The following EYS variants were observed in gnomAD, a reference collection of about 807,000 sequenced individuals.
EYS encodes EGF-like photoreceptor maintenance factor, also known as protein eyes shut homolog.
Under a neutral mutation model 282.1 loss-of-function variants are expected in EYS, and 250 were observed. The observed-to-expected ratio is 0.89, with a 90% CI of 0.80 to 0.98. EYS has a LOEUF of 0.98. EYS is among the 50% of genes least tolerant of loss of function. The pLI is 0.00. For missense variants in EYS, 4,016 were observed against 3,709.0 expected, an observed-to-expected ratio of 1.08 and a Z score of -2.15; for synonymous variants, 1,355 against 1,282.9, an observed-to-expected ratio of 1.06 and a Z score of -1.20.
chr6:64,619,716 C>T (rs752267046), intron 23 of EYS, among the ~76,000 whole-genome samples: 1 of 151,914 alleles, frequency 6.6e-6, no homozygotes, highest in Non-Finnish European at 1.5e-5. Flanking sequence ...GCACTGGTGC[C>T]CAGGCTGGAG....
intron 22 of EYS, among the ~76,000 whole-genome samples, chr6:64,640,109 A>C (rs1295787042): frequency 6.8e-6 from 1 of 147,368 alleles, no homozygotes; most frequent in Non-Finnish European, 1.5e-5. Flanking sequence ...CACTTCTTTT[A>C]CACTGTTGGT....
intron 12 of EYS, among the ~76,000 whole-genome samples, chr6:65,208,344 A>C (rs529199929): frequency 9.9e-5 from 15 of 151,918 alleles, no homozygotes; most frequent in African/African-American, 3.4e-4. Flanking sequence ...ACACTTATAA[A>C]CAGTTGAGGG....
rs1018828002 is a variant in EYS at position 64,592,001 on chromosome 6, A to T, written c.3878-12T>A. On this transcript the variant is annotated splice_polypyrimidine_tract_variant and intron_variant, in intron 25 of 42. Transcript: ENST00000503581. ...TGTCTGTTTTGGACCTACAAAAAGG[A>T]AAAAAGCCAAAAAGGTTAGAAAAAT... 25 of 1,445,020 alleles carry T rather than the reference A, an allele frequency of 1.7e-5. No individual in the cohort carries two copies. The African/African-American group carries it at 3.6e-4, about 21-fold the overall frequency. 89.5% of individuals were successfully genotyped at this position (1,445,020 alleles called of 1,614,324 possible). A position where few individuals can be genotyped will look rare whatever the true frequency, so the allele number is the denominator to read the frequency against.
At chr6:65,351,027 G>C (rs1764253172) in intron 9 of EYS, among the ~76,000 whole-genome samples, 1 of 151,478 alleles carries the variant, frequency 6.6e-6, no homozygotes, top group African/African-American at 2.4e-5. Context: ...GATCTTAATG[G>C]CAATTATCAA....
intron 11 of EYS, among the ~76,000 whole-genome samples, chr6:65,302,186 T>C (rs1426981387): frequency 6.6e-6 from 1 of 152,122 alleles, no homozygotes; most frequent in Admixed American, 6.5e-5. Context: ...CTCCCAGTAG[T>C]TGGGAGATGT....
chr6:63,889,994 C>G (rs529122641), intron 35 of EYS, among the ~76,000 whole-genome samples: 2 of 151,792 alleles, frequency 1.3e-5, no homozygotes, highest in South Asian at 4.2e-4. Flanking sequence ...AGACTTTAAA[C>G]CAACAAAGAT....
chr6:65,503,258 G>A (rs914119020), intron 2 of EYS, among the ~76,000 whole-genome samples: 2 of 151,468 alleles, frequency 1.3e-5, no homozygotes, highest in Admixed American at 6.6e-5. Flanking sequence ...TTTACCATCT[G>A]TATATTTTGG....
chr6:65,293,379 T>C (rs1768579681), intron 12 of EYS, among the ~76,000 whole-genome samples: 1 of 151,856 alleles, frequency 6.6e-6, no homozygotes, highest in African/African-American at 2.4e-5. Flanking sequence ...TTTCCAGAGT[T>C]AAAAATATTT....
chr6:64,027,568 A>G (rs1444625361), intron 33 of EYS, among the ~76,000 whole-genome samples: 3 of 152,224 alleles, frequency 2.0e-5, no homozygotes, highest in Non-Finnish European at 4.4e-5. Context: ...AGCCTTAGTC[A>G]TGGCCCTCAG....
At chr6:64,096,713 C>A (rs114188033) in intron 31 of EYS, among the ~76,000 whole-genome samples, 1 of 152,120 alleles carries the variant, frequency 6.6e-6, no homozygotes, top group African/African-American at 2.4e-5. Context: ...CCTTTTAGCT[C>A]GGTGTAGTTT....
At chr6:64,990,696 C>A (rs1425619021) in intron 14 of EYS, among the ~76,000 whole-genome samples, 3 of 151,562 alleles carry the variant, frequency 2.0e-5, no homozygotes, top group Admixed American at 6.6e-5. Context: ...GAAGTTAATA[C>A]TGCTTCATGG....
intron 2 of EYS, among the ~76,000 whole-genome samples, chr6:65,562,571 T>C (rs978927255): frequency 3.3e-5 from 5 of 152,052 alleles, no homozygotes; most frequent in African/African-American, 1.2e-4. Context: ...TCTCTGGACC[T>C]CCACATAGCA....
At chr6:63,849,426 C>T (rs1772184262) in intron 36 of EYS, among the ~76,000 whole-genome samples, 1 of 152,158 alleles carries the variant, frequency 6.6e-6, no homozygotes, top group African/African-American at 2.4e-5. Flanking sequence ...AAAGACACCT[C>T]ATACAGGAGA....
chr6:65,232,466 G>C (rs1766808183), intron 12 of EYS, among the ~76,000 whole-genome samples: 1 of 151,932 alleles, frequency 6.6e-6, no homozygotes, highest in African/African-American at 2.4e-5. Flanking sequence ...TTCTTAACAT[G>C]CTCTATAATA....
At chr6:64,629,289 T>C (rs1294139953) in intron 22 of EYS, among the ~76,000 whole-genome samples, 1 of 152,166 alleles carries the variant, frequency 6.6e-6, no homozygotes, top group African/African-American at 2.4e-5. Context: ...TTAACATTAC[T>C]CTTTAGAGGG....
At chr6:64,015,764 A>T (rs1334246952) in intron 33 of EYS, among the ~76,000 whole-genome samples, 2 of 152,200 alleles carry the variant, frequency 1.3e-5, no homozygotes, top group African/African-American at 4.8e-5. Flanking sequence ...CTGGAACCAG[A>T]GGAAGCATAG....
chr6:65,437,803 C>T (rs1485108353), intron 5 of EYS, among the ~76,000 whole-genome samples: 1 of 152,072 alleles, frequency 6.6e-6, no homozygotes, highest in African/African-American at 2.4e-5. Flanking sequence ...TGCTTTTTGT[C>T]ACTTTCAAAC....
At chr6:64,395,539 A>G (rs543386297) in intron 28 of EYS, among the ~76,000 whole-genome samples, 5,744 of 151,566 alleles carry the variant, frequency 0.038, 351 homozygotes, top group African/African-American at 0.13. Flanking sequence ...AGAACAAAAA[A>G]CCAAACACCG....
chr6:64,132,881 T>C (rs1306810294), intron 31 of EYS, among the ~76,000 whole-genome samples: 1 of 152,008 alleles, frequency 6.6e-6, no homozygotes, highest in Admixed American at 6.6e-5. Flanking sequence ...CATAAATTTT[T>C]CATATAAAAA....
Sources: allele counts gnomAD v4.1 joint callset (sites outside exome capture counted in the v4.1 genomes callset), GRCh38; gene constraint gnomAD v4.1.1; transcripts MANE v1.5; gene names NCBI Gene and HGNC (gene_info 2026-07-23, HGNC 2026-07-21).